GBF1: variants seen among roughly 807,000 people sequenced by gnomAD.
The protein encoded by GBF1 is Golgi-specific brefeldin A-resistance guanine nucleotide exchange factor 1.
A neutral mutation model predicts 210.5 loss-of-function variants in GBF1; 114 were observed. The observed-to-expected ratio is 0.54, with a 90% CI of 0.47 to 0.63. The LOEUF (loss-of-function observed/expected upper bound fraction) is 0.63, where lower values mean the gene tolerates loss of function less well. Among genes scored for constraint, GBF1 ranks in the 30% least tolerant of loss-of-function variants. GBF1 has a pLI of 0.00. For missense variants in GBF1, 1,851 were observed against 2,357.7 expected (o/e 0.79, Z 4.45); for synonymous variants, 850 against 889.2 (o/e 0.96, Z 0.78).
chr10:102,377,053 T>G lies in GBF1; in HGVS notation c.4407T>G (p.His1469Gln). The part of the protein sequence containing the change: ...MLRRPRTSSQ[H>Q]ASRGGQSDDD... Reference sequence around the variant, plus strand: ...GCCGGCCTCGAACCTCCAGCCAACATGCCTCTCGGGGCGGGCAGAGTGATG... The same window carrying G: ...GCCGGCCTCGAACCTCCAGCCAACAGGCCTCTCGGGGCGGGCAGAGTGATG... The change falls in exon 33 of 40, where the codon CAT (histidine) becomes CAG (glutamine). Residue 1469 changes from histidine to glutamine, a missense_variant. His to Gln is a conservative substitution (Grantham distance 24, BLOSUM62 0). Coordinates refer to ENST00000369983, the MANE Select transcript of GBF1 (RefSeq NM_001377137.1). 1 of 1,614,154 alleles carries G rather than the reference T, an allele frequency of 6.2e-7. No homozygotes were observed.
intron 3 of GBF1, 81 bp downstream of exon 3, chr10:102,260,197 T>C: frequency 1.3e-6 from 1 of 782,828 alleles, no homozygotes; most frequent in Non-Finnish European, 2.2e-6. Flanking sequence ...ACAAACTTTT[T>C]GTATAAAGGA....
Position 102,363,903 on chromosome 10 carries a change from A to T in GBF1, c.2106+105A>T, listed in dbSNP as rs1165464685. ...AGGAGAGTCTAGCACCTCATTGTAC[A>T]GCTTCCTGAGGCCAGTCTTTGGGCT... On this transcript the variant is annotated intron_variant, in intron 17 of 39. Coordinates refer to ENST00000369983, the MANE Select transcript of GBF1 (RefSeq NM_001377137.1). The surrounding 1 kb of genome is among the most constrained non-coding windows in gnomAD (Gnocchi z 4.2). 1.4e-6 allele frequency: 1 copy of T among 698,626 alleles called. No individual in the cohort carries two copies. The allele number at this position is 698,626 out of a possible 1,614,324, so 43.3% of individuals were successfully genotyped here. A position where few individuals can be genotyped will look rare whatever the true frequency, so the allele number is the denominator to read the frequency against.
chr10:102,370,590 A>T, intron 28 of GBF1, 112 bp downstream of exon 28: 1 of 1,295,802 alleles, frequency 7.7e-7, no homozygotes, highest in Non-Finnish European at 1.1e-6. Flanking sequence ...GGAGAAGCTT[A>T]CTCATCATAC....
Position 102,284,711 on chromosome 10 carries a change from G to C in GBF1, c.163+24595G>C, listed in dbSNP as rs561343220. Among the ~76,000 whole-genome samples the C allele has an allele frequency of 2.6e-5, 4 of 152,222 alleles. No individual in the cohort carries two copies. The South Asian group carries it at 8.3e-4, about 32-fold the overall frequency. The stretch of plus-strand genomic sequence containing the variant: ...TTCTTCCTTTTGGCAATTATGAATA[G>C]TGCTGCTAGGGACATGTGTATACAT... On this transcript the variant is annotated intron_variant, in intron 3 of 39. Transcript: ENST00000369983.
At chr10:102,266,865 G>C (rs929378633) in intron 3 of GBF1, among the ~76,000 whole-genome samples, 1 of 152,316 alleles carries the variant, frequency 6.6e-6, no homozygotes, top group Non-Finnish European at 1.5e-5. Flanking sequence ...GGAGAAAGTG[G>C]ATGTGTCAGG....
At position 102,351,321 on chromosome 10, in the gene GBF1, T is replaced by C; in HGVS notation, c.361T>C (p.Phe121Leu). 6.2e-7 allele frequency: 1 copy of C among 1,612,098 alleles called. No homozygotes were observed. The highest frequency in any genetic ancestry group is 8.5e-7 in the Non-Finnish European group (1 of 1,178,150). The change falls in exon 5 of 40, where the codon TTT becomes CTT. Residue 121 changes from phenylalanine (F) to leucine (L), a missense_variant. This residue lies in a region of GBF1 where 804 missense variants were observed against 958.6 expected (regional missense o/e 0.84). Transcript: ENST00000369983. ...NMADAVTHAR[F>L]VGTDPASDEV... ...GGCAGATGCTGTCACCCATGCTCGTTTTGTGGGCACGGATCCTGCCAGTGA... is the reference window on the plus strand; with the variant it reads ...GGCAGATGCTGTCACCCATGCTCGTCTTGTGGGCACGGATCCTGCCAGTGA...
Position 102,362,433 on chromosome 10 carries a change from G to T in GBF1, c.1687-42G>T, listed in dbSNP as rs969916018. On this transcript the variant is annotated intron_variant, in intron 14 of 39. Coordinates refer to ENST00000369983, the MANE Select transcript of GBF1 (RefSeq NM_001377137.1). ...TTAGAAAATGATCAAAGTGTAAAGT[G>T]TTCTCCTAACTACAAGTCCAATTGA... is the stretch of plus-strand genomic sequence containing the variant. 1.3e-5 allele frequency: 17 copies of T among 1,354,310 alleles called. No homozygotes were observed. The African/African-American group carries it at 2.4e-4, about 20-fold the overall frequency. The allele number at this position is 1,354,310 out of a possible 1,614,324, so 83.9% of individuals were successfully genotyped here.
chr10:102,257,174 A>G (rs1027899030), intron 1 of GBF1, among the ~76,000 whole-genome samples: 26 of 152,202 alleles, frequency 1.7e-4, no homozygotes, highest in African/African-American at 6.3e-4. Flanking sequence ...TTTATTTTAT[A>G]TTTACATATC....
upstream of GBF1, among the ~76,000 whole-genome samples, chr10:102,242,744 C>A (rs1365599126): frequency 6.6e-6 from 1 of 151,954 alleles, no homozygotes; most frequent in Non-Finnish European, 1.5e-5. Context: ...CTGGCTAACA[C>A]GGTGAAACCC....
At chr10:102,256,337 A>G (rs1041199908) in intron 1 of GBF1, among the ~76,000 whole-genome samples, 2 of 152,026 alleles carry the variant, frequency 1.3e-5, no homozygotes, top group Non-Finnish European at 2.9e-5. Context: ...TATGCAAAAT[A>G]TGCAAATTGA....
rs370617111 is a variant in GBF1 at position 102,328,373 on chromosome 10, G to A, written c.164-15678G>A. On this transcript the variant is annotated intron_variant, in intron 3 of 39. Coordinates refer to ENST00000369983, the MANE Select transcript of GBF1 (RefSeq NM_001377137.1). ...TAATTAGCCAAGTGTGGTGGCACAC[G>A]CTTTAGTCCCAGCTACTTGGGAGGC... 7.4e-4 allele frequency among the ~76,000 whole-genome samples: 113 copies of A among 152,168 alleles called. 1 individual carries two copies. The South Asian group carries it at 0.023, about 31-fold the overall frequency.
At chr10:102,243,227 T>G (rs1449589640), upstream of GBF1, among the ~76,000 whole-genome samples, 1 of 152,182 alleles carries the variant, frequency 6.6e-6, no homozygotes, top group Non-Finnish European at 1.5e-5. Context: ...TTCTGAACTC[T>G]CAGTTTAGCC....
chr10:102,302,158 G>C (rs1176414140), intron 3 of GBF1, among the ~76,000 whole-genome samples: 2 of 152,204 alleles, frequency 1.3e-5, no homozygotes, highest in Non-Finnish European at 2.9e-5. Flanking sequence ...CCAGGCACTT[G>C]GCAGGCTGAG....
chr10:102,353,719 G>A, intron 8 of GBF1, 65 bp downstream of exon 8: 2 of 1,166,756 alleles, frequency 1.7e-6, no homozygotes, highest in Non-Finnish European at 2.6e-6. Context: ...TCAGTGCCTT[G>A]GGGTAACCTT....
intron 3 of GBF1, among the ~76,000 whole-genome samples, chr10:102,309,175 A>G (rs1419338557): frequency 6.6e-6 from 1 of 152,220 alleles, no homozygotes; most frequent in Non-Finnish European, 1.5e-5. Flanking sequence ...AATTTGCACA[A>G]CTGAGTAATC....
In GBF1 at chr10:102,376,550, T is replaced by G; in HGVS notation, c.4048-10T>G. ...AGCCTGTGTCCCCAGCTCCTCTGTGTACTTTACAGGTTGGGAAGGATGACG... is the reference window on the plus strand; with the variant it reads ...AGCCTGTGTCCCCAGCTCCTCTGTGGACTTTACAGGTTGGGAAGGATGACG... On this transcript the variant is annotated splice_polypyrimidine_tract_variant and intron_variant, in intron 31 of 39. Transcript: ENST00000369983. 1 of 1,614,042 alleles carries G rather than the reference T, an allele frequency of 6.2e-7. No homozygotes were observed. Among genetic ancestry groups the G allele is most frequent in the Non-Finnish European group, 8.5e-7 (1 of 1,179,970 alleles).
chr10:102,252,247 A>C (rs1353572850), intron 1 of GBF1, among the ~76,000 whole-genome samples: 1 of 151,886 alleles, frequency 6.6e-6, no homozygotes, highest in Non-Finnish European at 1.5e-5. Flanking sequence ...TTGAGGCAGG[A>C]GAATCGCTTA....
chr10:102,276,018 C>A (rs1300852859), intron 3 of GBF1, among the ~76,000 whole-genome samples: 1 of 150,994 alleles, frequency 6.6e-6, no homozygotes, highest in Non-Finnish European at 1.5e-5. Flanking sequence ...AGGTGGATCA[C>A]CTGAGGTTAG....
rs1259461337 is a variant in GBF1, at chr10:102,382,315, A to G, written c.5562A>G (p.Ile1854Met). 4 of 1,611,260 alleles carry G rather than the reference A, an allele frequency of 2.5e-6. No individual in the cohort carries two copies. The highest frequency in any genetic ancestry group is 3.4e-6 in the Non-Finnish European group (4 of 1,178,582). ...CCACACCCCGCCCCACAGATCCCATACCCACCTCTGAGGTCAACTAAGGCA... is the reference window on the plus strand; with the variant it reads ...CCACACCCCGCCCCACAGATCCCATGCCCACCTCTGAGGTCAACTAAGGCA... ...LLATPRPTDP[I>M]PTSEVN The change falls in exon 40 of 40, where the codon ATA (isoleucine) becomes ATG (methionine). Residue 1854 changes from isoleucine (I) to methionine (M), a missense_variant. Around this residue, in one of 3 missense-constraint regions of GBF1, gnomAD observed 967 missense variants for 1,247.7 expected, o/e 0.78. Transcript: ENST00000369983.
Sources: allele counts gnomAD v4.1 joint callset (sites outside exome capture counted in the v4.1 genomes callset), GRCh38; gene constraint gnomAD v4.1.1; regional missense constraint gnomAD v4.1.1; non-coding constraint Gnocchi (gnomAD v3.1); transcripts MANE v1.5; gene names NCBI Gene and HGNC (gene_info 2026-07-23, HGNC 2026-07-21).